Variants in ARID1B observed in about 807,000 individuals in gnomAD.
ARID1B encodes the protein AT-rich interactive domain-containing protein 1B.
Under a neutral mutation model 212.3 loss-of-function variants are expected in ARID1B, and 30 were observed. The observed-to-expected ratio is 0.14, with a 90% CI of 0.11 to 0.19. ARID1B has a LOEUF of 0.19. Among genes scored for constraint, ARID1B ranks in the 10% least tolerant of loss-of-function variants. ARID1B has a pLI of 1.00. For synonymous variants in ARID1B, 1,402 were observed against 1,301.7 expected (o/e 1.08, Z -1.66); for missense variants, 2,891 against 3,204.0 (o/e 0.90, Z 2.36).
chr6:156,901,618 G>T, intron 3 of ARID1B, 93 bp downstream of exon 3: 3 of 1,433,754 alleles, frequency 2.1e-6, no homozygotes, highest in Non-Finnish European at 2.8e-6. Context: ...TAAAAATTAT[G>T]TTCTGGTGGA....
At chr6:157,021,561 G>C (rs12196215) in intron 4 of ARID1B, among the ~76,000 whole-genome samples, 1 of 152,184 alleles carries the variant, frequency 6.6e-6, no homozygotes, top group African/African-American at 2.4e-5. Flanking sequence ...GGGACAGGGG[G>C]ACGAAAACAA....
chr6:156,914,394 G>GT (rs1377258132), intron 3 of ARID1B, among the ~76,000 whole-genome samples: 2 of 152,188 alleles, frequency 1.3e-5, no homozygotes, highest in Non-Finnish European at 2.9e-5. Flanking sequence ...GCAGCTGACG[G>GT]TATCTTCCTC....
intron 4 of ARID1B, chr6:156,937,779 A>T (rs887990683): frequency 1.7e-4 from 26 of 152,274 alleles, no homozygotes; most frequent in African/African-American, 6.0e-4. Context: ...CTGTCTTGTT[A>T]TGTATGTATA....
chr6:157,197,308 G>A (rs988641473), intron 16 of ARID1B, among the ~76,000 whole-genome samples: 5 of 152,244 alleles, frequency 3.3e-5, no homozygotes, highest in African/African-American at 9.6e-5. Context: ...CGCGGCCTTC[G>A]GAAGCTGCGT....
Position 156,778,840 on chromosome 6 carries a change from CCGGCGCGGGCGGCGG to C in ARID1B, c.1166_1180del (p.Ala389_Gly393del). The C allele has an allele frequency of 7.1e-7, 1 of 1,414,444 alleles. No individual in the cohort carries two copies. The highest frequency in any genetic ancestry group is 9.2e-7 in the Non-Finnish European group (1 of 1,082,050). The allele number at this position is 1,414,444 out of a possible 1,614,324, so 87.6% of individuals were successfully genotyped here. ...AACCATTATCCGGGCTACAGCCGGC[CCGGCGCGGGCGGCGG>C]CGGCGGCGGCGGCGGCGGAGGAGGA... is the stretch of plus-strand genomic sequence containing the variant. On this transcript the variant is annotated inframe_deletion, in exon 1 of 20. Coordinates refer to ENST00000636930, the MANE Select transcript of ARID1B (RefSeq NM_001374828.1).
At chr6:157,123,247 C>CACACA (rs1554299919) in intron 6 of ARID1B, among the ~76,000 whole-genome samples, 11 of 111,764 alleles carry the variant, frequency 9.8e-5, no homozygotes, top group South Asian at 3.5e-4. Flanking sequence ...CGCCCCCCCC[C>CACACA]CACACACACA....
intron 4 of ARID1B, among the ~76,000 whole-genome samples, chr6:157,004,884 CTTCTTCTTTT>C (rs1285135445): frequency 7.2e-5 from 6 of 83,854 alleles, no homozygotes; most frequent in African/African-American, 2.1e-4. Context: ...TTTTCTTTTT[CTTCTTCTTTT>C]TTCTTTTTTT....
At chr6:157,018,211 G>GTTTTTTTTTTTT (rs1562552562) in intron 4 of ARID1B, among the ~76,000 whole-genome samples, 4 of 45,686 alleles carry the variant, frequency 8.8e-5, no homozygotes, top group African/African-American at 4.2e-4. Context: ...AAAGTAGTAT[G>GTTTTTTTTTTTT]CTTTTTTTTT....
intron 3 of ARID1B, among the ~76,000 whole-genome samples, chr6:156,905,250 G>GCGCGCGCACACACACACACACA (rs1554265935): frequency 4.9e-5 from 7 of 143,838 alleles, no homozygotes; most frequent in African/African-American, 1.8e-4. Context: ...ACATATGCAC[G>GCGCGCGCACACACACACACACA]CACACACACA....
chr6:156,789,099 G>A (rs575686487), intron 1 of ARID1B, among the ~76,000 whole-genome samples: 1 of 152,306 alleles, frequency 6.6e-6, no homozygotes, highest in Non-Finnish European at 1.5e-5. Context: ...CTTTCCTAAC[G>A]AATGTATTAT....
chr6:157,121,629 CTT>C (rs1389687982), intron 6 of ARID1B, among the ~76,000 whole-genome samples: 7 of 112,890 alleles, frequency 6.2e-5, no homozygotes, highest in Admixed American at 1.0e-4. Flanking sequence ...TCATATATAG[CTT>C]TTTTTTTTTT....
chr6:156,908,522 A>T (rs1789591879), intron 3 of ARID1B, among the ~76,000 whole-genome samples: 1 of 151,954 alleles, frequency 6.6e-6, no homozygotes, highest in Admixed American at 6.6e-5. Flanking sequence ...TCTCACCTTG[A>T]TTACGTCTTG....
intron 4 of ARID1B, among the ~76,000 whole-genome samples, chr6:157,074,232 TTGGTTTGTTTGA>T (rs1177071547): frequency 1.3e-5 from 2 of 152,198 alleles, no homozygotes; most frequent in African/African-American, 4.8e-5. Context: ...TGTTTGTTTG[TTGGTTTGTTTGA>T]GACAGAGTCT....
intron 1 of ARID1B, 178 bp downstream of exon 1, chr6:156,779,649 C>T: frequency 1.9e-6 from 1 of 513,358 alleles, no homozygotes; most frequent in Non-Finnish European, 2.6e-6. Flanking sequence ...GCCCCGGGGG[C>T]CGGCGCGCTG....
chr6:156,996,330 G>C (rs1243229892), intron 4 of ARID1B, among the ~76,000 whole-genome samples: 1 of 152,140 alleles, frequency 6.6e-6, no homozygotes, highest in African/African-American at 2.4e-5. Flanking sequence ...AGGGCAACCA[G>C]ATGGGACGGA....
intron 4 of ARID1B, among the ~76,000 whole-genome samples, chr6:156,980,113 A>G (rs1395482207): frequency 6.6e-6 from 1 of 152,192 alleles, no homozygotes; most frequent in East Asian, 1.9e-4. Context: ...TTGCCATTAA[A>G]CATTCATTAA....
intron 4 of ARID1B, among the ~76,000 whole-genome samples, chr6:157,049,958 A>C (rs1782484573): frequency 6.6e-6 from 1 of 152,222 alleles, no homozygotes; most frequent in African/African-American, 2.4e-5. Context: ...CATGATTTTA[A>C]AACATGCATT....
intron 4 of ARID1B, among the ~76,000 whole-genome samples, chr6:157,070,953 T>C (rs1783972239): frequency 6.6e-6 from 1 of 152,196 alleles, no homozygotes; most frequent in African/African-American, 2.4e-5. Flanking sequence ...AGTTTGGCAC[T>C]GTACAGAGAA....
rs908664011 is a variant in ARID1B, at chr6:157,084,859, A to G, written c.2445A>G (p.Gly815=). The part of the protein sequence containing the change: ...PSPSPVGSPV[G]SNQSRSGPIS... Reference sequence around the variant, plus strand: ...CCTCTCCTGTTGGCTCTCCTGTAGGAAGCAACCAGTCTCGATCTGGCCCAA... The same window carrying G: ...CCTCTCCTGTTGGCTCTCCTGTAGGGAGCAACCAGTCTCGATCTGGCCCAA... Residue 815 remains glycine (G), a synonymous_variant, in exon 5 of 20, where the codon GGA becomes GGG. Transcript: ENST00000636930. 4.3e-6 allele frequency: 7 copies of G among 1,614,152 alleles called. No individual in the cohort carries two copies. The highest frequency in any genetic ancestry group is 5.1e-6 in the Non-Finnish European group (6 of 1,180,016).
Sources: gnomAD v4.1 joint callset for allele counts (sites outside exome capture counted in the v4.1 genomes callset) on GRCh38, gnomAD v4.1.1 for gene constraint, MANE v1.5 for transcripts, NCBI Gene and HGNC (gene_info 2026-07-23, HGNC 2026-07-21) for gene names.